The following PAPPA variants were observed in gnomAD, a reference collection of about 807,000 sequenced individuals.
The protein encoded by PAPPA is pappalysin 1.
Under a neutral mutation model 164.0 loss-of-function variants are expected in PAPPA, and 60 were observed. The ratio of observed to expected loss-of-function variants is 0.37; its 90% CI spans 0.30 to 0.45. The LOEUF is 0.45. Ranked by LOEUF, PAPPA falls within the 20% of genes least tolerant of loss-of-function variation. PAPPA has a pLI of 1.00. For missense variants in PAPPA, 1,782 were observed against 2,087.3 expected, an observed-to-expected ratio of 0.85 and a Z score of 2.85; for synonymous variants, 875 against 814.1, an observed-to-expected ratio of 1.07 and a Z score of -1.27.
intron 21 of PAPPA, among the ~76,000 whole-genome samples, chr9:116,391,136 T>A (rs977968874): frequency 3.9e-5 from 6 of 152,170 alleles, no homozygotes; most frequent in African/African-American, 1.2e-4. Flanking sequence ...TTACCCATAT[T>A]TTTTCCACTT....
chr9:116,316,251 G>C (rs1845786431), intron 10 of PAPPA: 2 of 152,246 alleles, frequency 1.3e-5, no homozygotes, highest in African/African-American at 2.4e-5. Context: ...GAAGATATTA[G>C]AGTTTATGAA....
At chr9:116,174,507 C>T (rs912949165) in intron 1 of PAPPA, among the ~76,000 whole-genome samples, 6 of 152,182 alleles carry the variant, frequency 3.9e-5, no homozygotes, top group African/African-American at 1.2e-4. Context: ...CCTCTTGGCT[C>T]CTTAGAATGG....
At chr9:116,245,001 C>G (rs773938928) in intron 7 of PAPPA, among the ~76,000 whole-genome samples, 11 of 152,132 alleles carry the variant, frequency 7.2e-5, no homozygotes, top group Non-Finnish European at 1.5e-4. Flanking sequence ...GGAATCTTGT[C>G]GTTTGAAGCA....
At chr9:116,329,724 C>A (rs559656810) in intron 10 of PAPPA, among the ~76,000 whole-genome samples, 2 of 152,096 alleles carry the variant, frequency 1.3e-5, no homozygotes, top group African/African-American at 4.8e-5. Context: ...TTATGTTTTG[C>A]GATCTCTCCA....
At chr9:116,195,394 G>A (rs1358730451) in intron 2 of PAPPA, among the ~76,000 whole-genome samples, 7 of 152,152 alleles carry the variant, frequency 4.6e-5, no homozygotes, top group African/African-American at 1.7e-4. Context: ...TTAATAAGGA[G>A]CTCGAAACAG....
intron 19 of PAPPA, among the ~76,000 whole-genome samples, chr9:116,368,023 T>G (rs1482365374): frequency 6.6e-6 from 1 of 152,194 alleles, no homozygotes; most frequent in Non-Finnish European, 1.5e-5. Context: ...GTCCACTAAA[T>G]GCTGATGTCA....
chr9:116,204,735 T>C (rs189902341), intron 2 of PAPPA, among the ~76,000 whole-genome samples: 3 of 152,258 alleles, frequency 2.0e-5, no homozygotes, highest in African/African-American at 7.2e-5. Context: ...TAAAGTACAT[T>C]TGACCAATTT....
intron 1 of PAPPA, among the ~76,000 whole-genome samples, chr9:116,175,099 T>G (rs1843817372): frequency 6.6e-6 from 1 of 152,190 alleles, no homozygotes; most frequent in African/African-American, 2.4e-5. Context: ...TGTTACTCCT[T>G]TCACTATTTA....
intron 2 of PAPPA, among the ~76,000 whole-genome samples, chr9:116,205,146 G>A (rs1408108185): frequency 3.7e-4 from 56 of 151,306 alleles, no homozygotes; most frequent in African/African-American, 1.3e-3. Context: ...TGCTGCTGTG[G>A]AGTCTTCCCC....
At chr9:116,316,938 C>A (rs1011653517) in intron 10 of PAPPA, among the ~76,000 whole-genome samples, 4 of 152,118 alleles carry the variant, frequency 2.6e-5, no homozygotes, top group Non-Finnish European at 5.9e-5. Flanking sequence ...ATGGGAGGAC[C>A]CTGAGGTCTG....
At chr9:116,213,502 G>A (rs527792603) in intron 4 of PAPPA, among the ~76,000 whole-genome samples, 2 of 152,032 alleles carry the variant, frequency 1.3e-5, no homozygotes, top group Non-Finnish European at 2.9e-5. Flanking sequence ...TCCCACATCC[G>A]GTGCCCCATC....
chr9:116,196,496 A>G (rs1185398199), intron 2 of PAPPA, among the ~76,000 whole-genome samples: 1 of 152,246 alleles, frequency 6.6e-6, no homozygotes, highest in Non-Finnish European at 1.5e-5. Flanking sequence ...TTGAACTGAC[A>G]GACAGCAGCA....
intron 21 of PAPPA, among the ~76,000 whole-genome samples, chr9:116,388,636 A>G (rs1846848311): frequency 6.6e-6 from 1 of 152,184 alleles, no homozygotes; most frequent in Non-Finnish European, 1.5e-5. Context: ...TTTGAATTAG[A>G]TTCCTGTCTA....
intron 13 of PAPPA, among the ~76,000 whole-genome samples, chr9:116,337,702 T>C (rs962962645): frequency 3.3e-5 from 5 of 151,134 alleles, no homozygotes; most frequent in Admixed American, 3.3e-4. Flanking sequence ...TCTCTCTCTC[T>C]CCCCCGCCCC....
At chr9:116,354,974 A>G (rs1431732819) in intron 17 of PAPPA, among the ~76,000 whole-genome samples, 9 of 151,778 alleles carry the variant, frequency 5.9e-5, no homozygotes, top group South Asian at 4.2e-4. Context: ...TTATCCTTGT[A>G]CCTTTTTCAG....
rs10983125 is a variant in PAPPA, at chr9:116,380,018, G to A, written c.4677+2371G>A. The stretch of plus-strand genomic sequence containing the variant: ...TCATCTTTATGATCTCAGCTGAAGC[G>A]TCATTTCTTCAGGGACTTCACTGAG... On this transcript the variant is annotated intron_variant, in intron 20 of 21. Transcript: ENST00000328252. Among the ~76,000 whole-genome samples, 1,841 of 152,214 alleles carry A rather than the reference G, an allele frequency of 0.012. 155 individuals are homozygous for A. The South Asian group carries it at 0.17, about 14-fold the overall frequency.
At chr9:116,259,687 C>A (rs962886685) in intron 7 of PAPPA, among the ~76,000 whole-genome samples, 4 of 152,126 alleles carry the variant, frequency 2.6e-5, no homozygotes, top group African/African-American at 2.4e-5. Flanking sequence ...GAATGGGAAG[C>A]CTTTGTGCAG....
intron 1 of PAPPA, among the ~76,000 whole-genome samples, chr9:116,184,209 A>G (rs1843942217): frequency 6.6e-6 from 1 of 152,202 alleles, no homozygotes; most frequent in African/African-American, 2.4e-5. Flanking sequence ...TGGTTCCATA[A>G]CAGGCAGCAA....
chr9:116,268,567 C>T (rs753777577), intron 8 of PAPPA, among the ~76,000 whole-genome samples: 16 of 152,132 alleles, frequency 1.1e-4, no homozygotes, highest in African/African-American at 1.7e-4. Context: ...TTTGGAGCCT[C>T]ATCTACAGCT....
Sources: gnomAD v4.1 joint callset for allele counts (sites outside exome capture counted in the v4.1 genomes callset) on GRCh38, gnomAD v4.1.1 for gene constraint, MANE v1.5 for transcripts, NCBI Gene and HGNC (gene_info 2026-07-23, HGNC 2026-07-21) for gene names.